BIN2: variants seen among roughly 807,000 people sequenced by gnomAD.
BIN2 encodes the protein breast cancer associated protein BRAP1.
BIN2 carries 43 observed loss-of-function variants against 67.9 expected under a neutral mutation model. The ratio of observed to expected loss-of-function variants is 0.63; its 90% CI spans 0.50 to 0.82. The LOEUF is 0.82. Among genes scored for constraint, BIN2 ranks in the 40% least tolerant of loss-of-function variants. The pLI, the probability that BIN2 is intolerant of heterozygous loss-of-function variation, is 0.00. For missense variants in BIN2, 581 were observed against 671.6 expected (o/e 0.87, Z 1.49); for synonymous variants, 244 against 246.8 (o/e 0.99, Z 0.11).
At chr12:51,293,508 T>G (rs1592256951) in intron 9 of BIN2, among the ~76,000 whole-genome samples, 1 of 152,236 alleles carries the variant, frequency 6.6e-6, no homozygotes, top group East Asian at 1.9e-4. Context: ...GAGATGGGGT[T>G]TCACTGTGTT....
intron 9 of BIN2, among the ~76,000 whole-genome samples, chr12:51,295,120 T>G (rs1222757612): frequency 6.6e-6 from 1 of 151,936 alleles, no homozygotes; most frequent in Non-Finnish European, 1.5e-5. Flanking sequence ...CTTTTAATCT[T>G]TTTTTGTAGA....
At chr12:51,288,270 G>A in intron 10 of BIN2, 82 bp from the exon 11 acceptor site, 1 of 1,133,528 alleles carries the variant, frequency 8.8e-7, no homozygotes, top group Non-Finnish European at 1.3e-6. Context: ...GTCCATATTA[G>A]CTCCTCTCAG....
At chr12:51,286,175 T>C (rs1235737966) in intron 11 of BIN2, among the ~76,000 whole-genome samples, 5 of 152,166 alleles carry the variant, frequency 3.3e-5, no homozygotes, top group African/African-American at 1.2e-4. Context: ...ATTTACCCAT[T>C]TTTACATGTG....
rs1287178295 is a variant in BIN2 at position 51,323,946 on chromosome 12, C to T, written c.81+76G>A. Reference sequence around the variant, plus strand: ...CGGGGCCCCTGAGCACCCTGCCCGCCCCTCCTGCCCGGCCGGGCTCGGCCT... The same window carrying T: ...CGGGGCCCCTGAGCACCCTGCCCGCTCCTCCTGCCCGGCCGGGCTCGGCCT... On this transcript the variant is annotated intron_variant, in intron 1 of 12. Transcript: ENST00000615107. The T allele has an allele frequency of 3.8e-6, 6 of 1,573,236 alleles. No homozygotes were observed. In the African/African-American group the frequency reaches 4.1e-5, roughly 11 times the overall value.
intron 9 of BIN2, among the ~76,000 whole-genome samples, chr12:51,294,296 T>C (rs183710144): frequency 2.5e-4 from 38 of 151,954 alleles, no homozygotes; most frequent in South Asian, 6.2e-4. Context: ...CAGCCGGGCG[T>C]GGTGGCTCAC....
At chr12:51,315,424 G>C (rs1388259426) in intron 1 of BIN2, among the ~76,000 whole-genome samples, 2 of 152,072 alleles carry the variant, frequency 1.3e-5, no homozygotes, top group Non-Finnish European at 2.9e-5. Flanking sequence ...CGCCCGCCTC[G>C]GCCTCCCAAA....
At position 51,302,748 on chromosome 12, in the gene BIN2, T is replaced by A; in HGVS notation, c.250A>T (p.Thr84Ser). The A allele has an allele frequency of 6.2e-7, 1 of 1,614,060 alleles. No individual in the cohort carries two copies. Among genetic ancestry groups the A allele is most frequent in the Non-Finnish European group, 8.5e-7 (1 of 1,179,942 alleles). The change falls in exon 4 of 13, where the codon ACC becomes TCC. Residue 84 changes from threonine (T) to serine (S), a missense_variant. Transcript: ENST00000615107. ...MHESSKRVSE[T>S]LQEIYSSEWD... ...TCGCTGCTGTAGATCTCCTGCAGGG[T>A]TTCTGACACTCTTTTTGAACTTTCA...
upstream of BIN2, chr12:51,324,592 T>C (rs1019398429): frequency 2.2e-5 from 32 of 1,446,530 alleles, no homozygotes; most frequent in Non-Finnish European, 6.4e-6. Flanking sequence ...CCAGGTAGGC[T>C]CTAAGCCTGG....
intron 2 of BIN2, among the ~76,000 whole-genome samples, chr12:51,307,209 G>A (rs796178971): frequency 1.2e-3 from 174 of 151,178 alleles, no homozygotes; most frequent in African/African-American, 4.1e-3. Context: ...CTTGAACCCG[G>A]GAGGTGGAGG....
intron 11 of BIN2, among the ~76,000 whole-genome samples, chr12:51,285,470 T>A (rs7306875): frequency 0.82 from 124,749 of 151,770 alleles, 52,460 homozygotes; most frequent in East Asian, 0.94. Flanking sequence ...ATATAAATTT[T>A]AAAAAAAAGA....
intron 1 of BIN2, among the ~76,000 whole-genome samples, chr12:51,315,200 C>T (rs1331934874): frequency 1.3e-5 from 2 of 151,256 alleles, no homozygotes; most frequent in Non-Finnish European, 2.9e-5. Flanking sequence ...GACGGAGTCT[C>T]GCTCTGTCGC....
intron 12 of BIN2, 112 bp from the exon 13 acceptor site, chr12:51,281,640 G>T (rs1390391962): frequency 8.9e-7 from 1 of 1,118,676 alleles, no homozygotes; most frequent in African/African-American, 1.5e-5. Flanking sequence ...TAATGCCACT[G>T]GCCTCTCTTG....
In BIN2 at chr12:51,302,103, G is replaced by A. The variant is rs1592267662; in HGVS notation, c.325C>T (p.Leu109Phe). The change falls in exon 5 of 13, where the codon CTT (leucine) becomes TTT (phenylalanine). Residue 109 changes from leucine (L) to phenylalanine (F), a missense_variant. Transcript: ENST00000615107. ...AGTTTCTCCTCGTAGTCTTCCCAAA[G>A]GAGATCATTATTCTGTAGGATAGAG... is the stretch of plus-strand genomic sequence containing the variant. ...LKAIVWNNDL[L>F]WEDYEEKLAD... 1 of 1,611,422 alleles carries A rather than the reference G, an allele frequency of 6.2e-7. No homozygotes were observed. The highest frequency in any genetic ancestry group is 1.1e-5 in the South Asian group (1 of 91,022).
chr12:51,324,569 T>C (rs1946382855), upstream of BIN2: 3 of 1,502,030 alleles, frequency 2.0e-6, no homozygotes, highest in African/African-American at 2.8e-5. Context: ...CCATGTACAC[T>C]GCGTTTCTTG....
At chr12:51,322,941 T>G (rs1333083175) in intron 1 of BIN2, 1 of 152,210 alleles carries the variant, frequency 6.6e-6, no homozygotes. Context: ...TGGTTGCCTT[T>G]AAGCCTTCCC....
In BIN2 at chr12:51,288,331, G is replaced by A. The variant is rs1945293757; in HGVS notation, c.1516-143C>T. ...TTGGTCAGACACAGGCAGTAGTAGG[G>A]TGGTGTGATCTAACGAGTGTCAGAA... On this transcript the variant is annotated intron_variant, in intron 10 of 12. Coordinates refer to ENST00000615107, the MANE Select transcript of BIN2 (RefSeq NM_016293.4). 42 of 631,468 alleles carry A rather than the reference G, an allele frequency of 6.7e-5. 2 individuals carry two copies. The South Asian group carries it at 7.5e-4, about 11-fold the overall frequency. 39.1% of individuals were successfully genotyped at this position (631,468 alleles called of 1,614,324 possible). A position where few individuals can be genotyped will look rare whatever the true frequency, so the allele number is the denominator to read the frequency against.
chr12:51,319,153 A>G (rs1199417235), intron 1 of BIN2, among the ~76,000 whole-genome samples: 1 of 152,210 alleles, frequency 6.6e-6, no homozygotes, highest in Non-Finnish European at 1.5e-5. Context: ...GAGAGGACAG[A>G]AAAAACAGAA....
chr12:51,324,421 G>A (rs543287270), upstream of BIN2: 10,819 of 1,424,880 alleles, frequency 7.6e-3, 58 homozygotes, highest in Non-Finnish European at 9.0e-3. Flanking sequence ...CACTCGCTCC[G>A]GAAAGCCAGT....
At chr12:51,291,319 C>G (rs551507420) in intron 10 of BIN2, among the ~76,000 whole-genome samples, 1 of 152,052 alleles carries the variant, frequency 6.6e-6, no homozygotes, top group African/African-American at 2.4e-5. Context: ...ATATAAAGAC[C>G]CTACCAGAGC....
Sources: gnomAD v4.1 joint callset for allele counts (sites outside exome capture counted in the v4.1 genomes callset) on GRCh38, gnomAD v4.1.1 for gene constraint, MANE v1.5 for transcripts, NCBI Gene and HGNC (gene_info 2026-07-23, HGNC 2026-07-21) for gene names.